The following GNB1L variants were observed in gnomAD, a reference collection of about 807,000 sequenced individuals.
The protein encoded by GNB1L is guanine nucleotide-binding protein subunit beta-like protein 1.
In GNB1L, 20 loss-of-function variants were observed where a neutral mutation model predicts 29.1. That is an observed-to-expected ratio of 0.69 (90% CI 0.48 to 1.00). GNB1L has a LOEUF of 1.00. GNB1L is among the 50% of genes least tolerant of loss of function. The pLI is 0.00. For synonymous variants in GNB1L, 193 were observed against 206.5 expected (o/e 0.93, Z 0.56); for missense variants, 421 against 464.9 (o/e 0.91, Z 0.87).
At chr22:19,789,053 C>G in intron 7 of GNB1L, 93 bp from the exon 8 acceptor site, 1 of 1,365,590 alleles carries the variant, frequency 7.3e-7, no homozygotes, top group Non-Finnish European at 1.0e-6. Flanking sequence ...CCAGGAGAGA[C>G]GCAGGCCCAC....
intron 2 of GNB1L, chr22:19,852,186 G>GA: frequency 6.2e-7 from 1 of 1,613,970 alleles, no homozygotes; most frequent in Non-Finnish European, 8.5e-7. Flanking sequence ...TGCTGCCATG[G>GA]ATGTGCGTTG....
At chr22:19,849,860 C>T in intron 2 of GNB1L, 1 of 985,434 alleles carries the variant, frequency 1.0e-6, no homozygotes, top group Non-Finnish European at 1.2e-6. Context: ...ACTGCACACA[C>T]TGGGCGGCTG....
intron 2 of GNB1L, among the ~76,000 whole-genome samples, chr22:19,833,362 A>G (rs1372398131): frequency 6.6e-6 from 1 of 152,232 alleles, no homozygotes; most frequent in Non-Finnish European, 1.5e-5. Flanking sequence ...CGAATTTCAG[A>G]ACTGAATAAT....
In GNB1L at chr22:19,788,967, G is replaced by A; in HGVS notation, c.733-7C>T. ...GTTCATGAGTCCCACGCACCTGTGA[G>A]AGTTGGGAGAGGTGTTAGGCCACTC... On this transcript the variant is annotated splice_region_variant and splice_polypyrimidine_tract_variant and intron_variant, in intron 7 of 7. Coordinates refer to ENST00000329517, the MANE Select transcript of GNB1L (RefSeq NM_053004.3). The A allele has an allele frequency of 6.3e-7, 1 of 1,593,250 alleles. No homozygotes were observed. The highest frequency in any genetic ancestry group is 8.6e-7 in the Non-Finnish European group (1 of 1,166,534).
rs145683090 is a variant in GNB1L at position 19,811,488 on chromosome 22, C to G, written c.417+797G>C. On this transcript the variant is annotated intron_variant, in intron 5 of 7. Coordinates refer to ENST00000329517, the MANE Select transcript of GNB1L (RefSeq NM_053004.3). ...TTCTCTGATTTCCCTTCAGCTCCCC[C>G]AAGAGCTGAGCCTCCAGCCACACCC... is the stretch of plus-strand genomic sequence containing the variant. 8.5e-5 allele frequency among the ~76,000 whole-genome samples: 13 copies of G among 152,264 alleles called. No individual in the cohort carries two copies. In the East Asian group the frequency reaches 1.9e-3, roughly 23 times the overall value.
At chr22:19,849,079 A>G (rs1444544959) in intron 2 of GNB1L, 1 of 985,340 alleles carries the variant, frequency 1.0e-6, no homozygotes, top group African/African-American at 1.7e-5. Context: ...CCTGGCACAG[A>G]AGCATGGGGC....
chr22:19,839,848 C>T lies in GNB1L; in HGVS notation c.-21+14595G>A, dbSNP rs528376225. 2.0e-5 allele frequency among the ~76,000 whole-genome samples: 3 copies of T among 151,876 alleles called. No homozygotes were observed. In the South Asian group the frequency reaches 6.3e-4, roughly 32 times the overall value. On this transcript the variant is annotated intron_variant, in intron 2 of 7. Coordinates refer to ENST00000329517, the MANE Select transcript of GNB1L (RefSeq NM_053004.3). Reference sequence around the variant, plus strand: ...TGAGCCAAGATCGTACCACTGCACTCCAGCCTGGGCAACAGAGACTCCGTC... The same window carrying T: ...TGAGCCAAGATCGTACCACTGCACTTCAGCCTGGGCAACAGAGACTCCGTC...
At chr22:19,831,823 G>A (rs1937684825) in intron 2 of GNB1L, among the ~76,000 whole-genome samples, 2 of 151,686 alleles carry the variant, frequency 1.3e-5, no homozygotes, top group Non-Finnish European at 1.5e-5. Flanking sequence ...AAACTCAATA[G>A]AAAAATGGGA....
intron 7 of GNB1L, among the ~76,000 whole-genome samples, chr22:19,801,031 GGCCTCCTGTCGTACA>G (rs1937364684): frequency 6.6e-6 from 1 of 152,202 alleles, no homozygotes; most frequent in Non-Finnish European, 1.5e-5. Flanking sequence ...CCCTCTCTGT[GGCCTCCTGTCGTACA>G]GACAGCCTGG....
chr22:19,828,809 G>A (rs1035768664), intron 2 of GNB1L, among the ~76,000 whole-genome samples: 7 of 151,428 alleles, frequency 4.6e-5, no homozygotes, highest in African/African-American at 9.7e-5. Flanking sequence ...ACTAGTGATT[G>A]GAGAATATGA....
chr22:19,800,572 A>C (rs1937357564), intron 7 of GNB1L, among the ~76,000 whole-genome samples: 1 of 152,198 alleles, frequency 6.6e-6, no homozygotes, highest in Non-Finnish European at 1.5e-5. Context: ...AGCTGCTCAG[A>C]ACGGGCATCA....
intron 2 of GNB1L, among the ~76,000 whole-genome samples, chr22:19,842,601 G>A (rs1293243671): frequency 1.3e-5 from 2 of 152,250 alleles, no homozygotes; most frequent in African/African-American, 4.8e-5. Flanking sequence ...GGCCAGACCT[G>A]CCAGGGAGGG....
At position 19,820,645 on chromosome 22, in the gene GNB1L, C is replaced by T. The variant is rs757547791; in HGVS notation, c.207G>A (p.Gln69=). 6.2e-7 allele frequency: 1 copy of T among 1,613,490 alleles called. No individual in the cohort carries two copies. The highest frequency in any genetic ancestry group is 1.3e-5 in the African/African-American group (1 of 75,062). ...AVTTLDGHGG[Q]CVTWLQTLPQ... is the part of the protein sequence containing the mutation. ...GCAGCGTCTGCAGCCAGGTCACACA[C>T]TGGCCGCCGTGGCCATCCAGGGTGG... The change falls in exon 4 of 8, where the codon CAG becomes CAA. Residue 69 remains glutamine (Q), a synonymous_variant. Transcript: ENST00000329517.
At chr22:19,824,640 G>A (rs1437410275) in intron 2 of GNB1L, among the ~76,000 whole-genome samples, 2 of 152,238 alleles carry the variant, frequency 1.3e-5, no homozygotes, top group Admixed American at 6.5e-5. Flanking sequence ...GAGGCAGCTC[G>A]GCAGGCCCCA....
intron 2 of GNB1L, chr22:19,846,860 TC>T: frequency 1.3e-5 from 12 of 907,678 alleles, no homozygotes; most frequent in Non-Finnish European, 1.4e-5. Context: ...TGAGGAAATG[TC>T]TGTTGTTTAA....
intron 2 of GNB1L, among the ~76,000 whole-genome samples, chr22:19,853,675 C>T (rs1046244140): frequency 2.6e-5 from 4 of 152,138 alleles, no homozygotes; most frequent in African/African-American, 7.2e-5. Context: ...GCCCTACCTC[C>T]ACCACCCAAA....
At chr22:19,804,040 G>A (rs1386199978) in intron 6 of GNB1L, among the ~76,000 whole-genome samples, 1 of 152,280 alleles carries the variant, frequency 6.6e-6, no homozygotes, top group Non-Finnish European at 1.5e-5. Context: ...CTGTCGTGGT[G>A]CCACAGGGTG....
intron 4 of GNB1L, among the ~76,000 whole-genome samples, chr22:19,819,366 G>A (rs1431188178): frequency 6.6e-6 from 1 of 152,250 alleles, no homozygotes; most frequent in African/African-American, 2.4e-5. Flanking sequence ...TAGAGGGGCT[G>A]TGGTGACTGG....
In GNB1L at chr22:19,785,648, G is replaced by A. The variant is rs1475525373; in HGVS notation, c.*3061C>T. On this transcript the variant is annotated 3_prime_UTR_variant, in exon 8 of 8. Coordinates refer to ENST00000329517, the MANE Select transcript of GNB1L (RefSeq NM_053004.3). The surrounding 1 kb of genome is among the most constrained non-coding windows in gnomAD (Gnocchi z 4.1). ...CCATGCTGCCAGGAGTCGCCTCTCA[G>A]GTTCATCCCAGGAGCTGCATGCTGA... 1 of 152,256 alleles carries A rather than the reference G, an allele frequency of 6.6e-6. No individual in the cohort carries two copies. The highest frequency in any genetic ancestry group is 1.5e-5 in the Non-Finnish European group (1 of 68,058). The allele number at this position is 152,256 out of a possible 1,614,324, so 9.4% of individuals were successfully genotyped here. A position where few individuals can be genotyped will look rare whatever the true frequency, so the allele number is the denominator to read the frequency against.
Sources: allele counts gnomAD v4.1 joint callset (sites outside exome capture counted in the v4.1 genomes callset), GRCh38; gene constraint gnomAD v4.1.1; non-coding constraint Gnocchi (gnomAD v3.1); transcripts MANE v1.5; gene names NCBI Gene and HGNC (gene_info 2026-07-23, HGNC 2026-07-21).